Variants in IL5RA observed in about 807,000 individuals in gnomAD.
IL5RA encodes the protein interleukin 5 receptor subunit alpha.
In IL5RA, 49 loss-of-function variants were observed where a neutral mutation model predicts 50.0. That is an observed-to-expected ratio of 0.98 (90% CI 0.78 to 1.24). The LOEUF (loss-of-function observed/expected upper bound fraction) is 1.24, where lower values mean the gene tolerates loss of function less well. IL5RA is among the 50% of genes most tolerant of loss of function. The probability of loss-of-function intolerance (pLI) is 0.00; values close to 1 mark genes in which losing one functional copy is unlikely to be tolerated. For missense variants in IL5RA, 600 were observed against 500.4 expected, an observed-to-expected ratio of 1.20 and a Z score of -1.90; for synonymous variants, 202 against 174.0, an observed-to-expected ratio of 1.16 and a Z score of -1.26.
At position 3,092,434 on chromosome 3, in the gene IL5RA, A is replaced by T; in HGVS notation, c.856-72T>A. On this transcript the variant is annotated intron_variant, in intron 8 of 11. Transcript: ENST00000446632. The surrounding 1 kb of genome is among the most constrained non-coding windows in gnomAD (Gnocchi z 4.2). The stretch of plus-strand genomic sequence containing the variant: ...TAGTTCTGCCGATTATCAGAATGGG[A>T]GGTCCTATATAGGTCATGTGACTCA... 1 of 1,422,822 alleles carries T rather than the reference A, an allele frequency of 7.0e-7. No individual in the cohort carries two copies. The highest frequency in any genetic ancestry group is 9.8e-7 in the Non-Finnish European group (1 of 1,025,224). The allele number at this position is 1,422,822 out of a possible 1,614,324, so 88.1% of individuals were successfully genotyped here.
chr3:3,083,129 G>A (rs1210052188), intron 9 of IL5RA, among the ~76,000 whole-genome samples: 2 of 152,176 alleles, frequency 1.3e-5, no homozygotes, highest in Non-Finnish European at 2.9e-5. Context: ...CCAGTTGGAG[G>A]GGAGAATGGC....
intron 8 of IL5RA, among the ~76,000 whole-genome samples, chr3:3,095,023 G>A (rs964694172): frequency 5.9e-5 from 9 of 152,158 alleles, no homozygotes; most frequent in Middle Eastern, 3.4e-3. Context: ...CACCCCACCC[G>A]TCTATCATTT....
chr3:3,072,013 C>T (rs1702316619), intron 11 of IL5RA, among the ~76,000 whole-genome samples: 1 of 152,238 alleles, frequency 6.6e-6, no homozygotes, highest in African/African-American at 2.4e-5. Context: ...TGCACATTAC[C>T]ATGAAAAGCA....
In IL5RA at chr3:3,092,444, T is replaced by C. The variant is rs1341606421; in HGVS notation, c.856-82A>G. The C allele has an allele frequency of 2.3e-6, 3 of 1,304,090 alleles. No homozygotes were observed. Among genetic ancestry groups the C allele is most frequent in the East Asian group, 2.3e-5 (1 of 43,364 alleles). The allele number at this position is 1,304,090 out of a possible 1,614,324, so 80.8% of individuals were successfully genotyped here. A position where few individuals can be genotyped will look rare whatever the true frequency, so the allele number is the denominator to read the frequency against. ...GATTATCAGAATGGGAGGTCCTATA[T>C]AGGTCATGTGACTCACTGTTCAGCA... On this transcript the variant is annotated intron_variant, in intron 8 of 11. Coordinates refer to ENST00000446632, the MANE Select transcript of IL5RA (RefSeq NM_175726.4). This position sits in a 1 kb window ranked among gnomAD's most constrained non-coding sequence, Gnocchi z 4.2.
intron 11 of IL5RA, among the ~76,000 whole-genome samples, chr3:3,071,558 T>C (rs1702297100): frequency 2.4e-5 from 1 of 41,012 alleles, no homozygotes; most frequent in Non-Finnish European, 5.6e-5. Flanking sequence ...TCACAGTGTG[T>C]GTGTGTGTGT....
At chr3:3,086,815 A>C (rs1276658290) in intron 9 of IL5RA, among the ~76,000 whole-genome samples, 2 of 152,238 alleles carry the variant, frequency 1.3e-5, no homozygotes, top group Non-Finnish European at 2.9e-5. Flanking sequence ...AATCCACCTA[A>C]GTACCTATCA....
intron 10 of IL5RA, 105 bp from the exon 11 acceptor site, chr3:3,074,971 G>T: frequency 1.4e-6 from 1 of 705,096 alleles, no homozygotes. Flanking sequence ...CTGCTGTTTT[G>T]TAAATTCAAA....
In IL5RA at chr3:3,074,779, T is replaced by G; in HGVS notation, c.1176+3A>C. 1 of 1,567,542 alleles carries G rather than the reference T, an allele frequency of 6.4e-7. No homozygotes were observed. Among genetic ancestry groups the G allele is most frequent in the Non-Finnish European group, 8.8e-7 (1 of 1,137,692 alleles). ...GGCATATCATAAGAACTTTCAACAT[T>G]ACCTCATAGTTAGTGGTTACAAAGA... On this transcript the variant is annotated splice_donor_region_variant and intron_variant, in intron 11 of 11. Coordinates refer to ENST00000446632, the MANE Select transcript of IL5RA (RefSeq NM_175726.4).
chr3:3,096,108 C>T (rs1036296013), intron 7 of IL5RA, among the ~76,000 whole-genome samples: 2 of 152,028 alleles, frequency 1.3e-5, no homozygotes, highest in African/African-American at 4.8e-5. Context: ...GAAACCCCCT[C>T]TCTACTAAAA....
intron 2 of IL5RA, among the ~76,000 whole-genome samples, chr3:3,106,846 T>C (rs886136473): frequency 6.6e-6 from 1 of 152,112 alleles, no homozygotes; most frequent in Non-Finnish European, 1.5e-5. Flanking sequence ...AACTGCAAAA[T>C]TAATATTTCT....
chr3:3,074,933 T>A, intron 10 of IL5RA, 67 bp from the exon 11 acceptor site: 1 of 968,382 alleles, frequency 1.0e-6, no homozygotes. Context: ...ATATCTACTC[T>A]AAAAATTGAC....
At chr3:3,103,429 G>C (rs1283082505) in intron 3 of IL5RA, among the ~76,000 whole-genome samples, 1 of 152,294 alleles carries the variant, frequency 6.6e-6, no homozygotes, top group African/African-American at 2.4e-5. Flanking sequence ...ATATCAGTGT[G>C]CATCAAACAT....
intron 5 of IL5RA, 119 bp downstream of exon 5, chr3:3,101,573 G>C: frequency 1.1e-6 from 1 of 892,696 alleles, no homozygotes; most frequent in Non-Finnish European, 1.7e-6. Context: ...TGATATGGGA[G>C]AGTACTTGAG....
chr3:3,096,591 C>T (rs1201564927), intron 7 of IL5RA, among the ~76,000 whole-genome samples: 1 of 152,068 alleles, frequency 6.6e-6, no homozygotes, highest in African/African-American at 2.4e-5. Context: ...AAATGAAAAT[C>T]ATAAAAGAAA....
chr3:3,105,955 TCA>T (rs1703901867), intron 2 of IL5RA, among the ~76,000 whole-genome samples: 1 of 152,218 alleles, frequency 6.6e-6, no homozygotes, highest in Non-Finnish European at 1.5e-5. Context: ...TGTGTTGTCC[TCA>T]CTTTTACAAA....
chr3:3,100,488 C>T (rs560517747), intron 5 of IL5RA, among the ~76,000 whole-genome samples: 3 of 152,190 alleles, frequency 2.0e-5, no homozygotes, highest in South Asian at 2.1e-4. Context: ...TATATTTGTC[C>T]ATGCATTAAA....
At position 3,097,876 on chromosome 3, in the gene IL5RA, CGTGA is replaced by C; in HGVS notation, c.699_702del (p.His234ProfsTer5). Reference sequence around the variant, plus strand: ...TGGGTTAAGTCGGTCTTACCAATGGCGTGAAGGGCAAACAGCTGATCAAAGGGCC... The same window carrying C: ...TGGGTTAAGTCGGTCTTACCAATGGCAGGGCAAACAGCTGATCAAAGGGCC... On this transcript the variant is annotated frameshift_variant, in exon 7 of 12. Transcript: ENST00000446632. LOFTEE classifies it high-confidence loss of function. 1 of 1,612,652 alleles carries C rather than the reference CGTGA, an allele frequency of 6.2e-7. No homozygotes were observed. The highest frequency in any genetic ancestry group is 8.5e-7 in the Non-Finnish European group (1 of 1,179,132).
At position 3,090,642 on chromosome 3, in the gene IL5RA, C is replaced by G. The variant is rs924133076; in HGVS notation, c.994+1582G>C. 2.0e-5 allele frequency among the ~76,000 whole-genome samples: 3 copies of G among 148,652 alleles called. No homozygotes were observed. The Admixed American group carries it at 2.0e-4, about 10-fold the overall frequency. Reference sequence around the variant, plus strand: ...AGTGCAGTGGTGCGATCTCGGCTCACTGCAAGCTCCGCCTCCCGGGTTCAC... The same window carrying G: ...AGTGCAGTGGTGCGATCTCGGCTCAGTGCAAGCTCCGCCTCCCGGGTTCAC... On this transcript the variant is annotated intron_variant, in intron 9 of 11. Coordinates refer to ENST00000446632, the MANE Select transcript of IL5RA (RefSeq NM_175726.4).
chr3:3,093,499 A>G (rs894500045), intron 8 of IL5RA, among the ~76,000 whole-genome samples: 2 of 152,184 alleles, frequency 1.3e-5, no homozygotes, highest in Non-Finnish European at 2.9e-5. Flanking sequence ...TTTTTATTGT[A>G]TTTGACAAAA....
Sources: allele counts gnomAD v4.1 joint callset (sites outside exome capture counted in the v4.1 genomes callset), GRCh38; gene constraint gnomAD v4.1.1; non-coding constraint Gnocchi (gnomAD v3.1); transcripts MANE v1.5; gene names NCBI Gene and HGNC (gene_info 2026-07-23, HGNC 2026-07-21).